SLC24A1: variants seen among roughly 807,000 people sequenced by gnomAD.
The protein encoded by SLC24A1 is sodium/potassium/calcium exchanger 1.
SLC24A1 carries 52 observed loss-of-function variants against 88.1 expected under a neutral mutation model. The observed-to-expected ratio is 0.59, with a 90% CI of 0.47 to 0.74. The LOEUF is 0.74. Among genes scored for constraint, SLC24A1 ranks in the 30% least tolerant of loss-of-function variants. The pLI, the probability that SLC24A1 is intolerant of heterozygous loss-of-function variation, is 0.00. For missense variants in SLC24A1, 1,173 were observed against 1,363.3 expected, an observed-to-expected ratio of 0.86 and a Z score of 2.20; for synonymous variants, 455 against 498.0, an observed-to-expected ratio of 0.91 and a Z score of 1.15.
At position 65,653,959 on chromosome 15, in the gene SLC24A1, G is replaced by A. The variant is rs537146025; in HGVS notation, c.3180G>A (p.Ala1060=). The A allele has an allele frequency of 7.7e-5, 124 of 1,613,810 alleles. No individual in the cohort carries two copies. The highest frequency in any genetic ancestry group is 9.7e-5 in the Non-Finnish European group (114 of 1,179,880). Residue 1060 remains alanine (A), a synonymous_variant, in exon 10 of 10, where the codon GCG becomes GCA. Transcript: ENST00000261892. ...TTCTGTTTGTGATCTCTTCAATTGC[G>A]TCATGTAAATGGAGAATGAACAAGA... ...LMLLFVISSI[A]SCKWRMNKIL...
intron 5 of SLC24A1, 84 bp downstream of exon 5, chr15:65,644,597 C>A: frequency 1.1e-6 from 1 of 918,232 alleles, no homozygotes. Flanking sequence ...AGGCAGCAGC[C>A]AGCCAGGCCA....
chr15:65,649,091 G>C (rs2075408629), intron 6 of SLC24A1, among the ~76,000 whole-genome samples: 1 of 151,940 alleles, frequency 6.6e-6, no homozygotes. Flanking sequence ...TCCAGGTGGG[G>C]TCAGAAAATC....
At position 65,625,626 on chromosome 15, in the gene SLC24A1, G is replaced by C; in HGVS notation, c.1546G>C (p.Val516Leu). 6.2e-7 allele frequency: 1 copy of C among 1,614,030 alleles called. No individual in the cohort carries two copies. Among genetic ancestry groups the C allele is most frequent in the Non-Finnish European group, 8.5e-7 (1 of 1,179,890 alleles). Residue 516 changes from valine to leucine, a missense_variant, in exon 2 of 10, where the codon GTC becomes CTC. Transcript: ENST00000261892. ...APELFTSLIGVFISHSNVGIG... is the reference protein window; with the variant it reads ...APELFTSLIGLFISHSNVGIG... Reference sequence around the variant, plus strand: ...TGAGCTCTTCACCTCCCTCATCGGTGTCTTCATTTCCCACAGCAACGTGGG... The same window carrying C: ...TGAGCTCTTCACCTCCCTCATCGGTCTCTTCATTTCCCACAGCAACGTGGG...
chr15:65,655,477 A>G lies in SLC24A1; in HGVS notation c.*1398A>G, dbSNP rs2075650460. ...CTTGAGTTTTTAAAACTGTGGTTAA[A>G]TGTTTTATGTGGAATTTGATGAGTT... On this transcript the variant is annotated 3_prime_UTR_variant, in exon 10 of 10. Coordinates refer to ENST00000261892, the MANE Select transcript of SLC24A1 (RefSeq NM_004727.3). 8 of 985,268 alleles carry G rather than the reference A, an allele frequency of 8.1e-6. No homozygotes were observed. Among genetic ancestry groups the G allele is most frequent in the Non-Finnish European group, 9.6e-6 (8 of 829,774 alleles). 61.0% of individuals were successfully genotyped at this position (985,268 alleles called of 1,614,324 possible). A position where few individuals can be genotyped will look rare whatever the true frequency, so the allele number is the denominator to read the frequency against.
At chr15:65,640,486 T>G (rs1210915953) in intron 4 of SLC24A1, among the ~76,000 whole-genome samples, 1 of 152,168 alleles carries the variant, frequency 6.6e-6, no homozygotes, top group East Asian at 1.9e-4. Context: ...CCTGCTCTCC[T>G]GGAGCCTCCC....
rs375749809 is a variant in SLC24A1 at position 65,650,424 on chromosome 15, G to C, written c.2275G>C (p.Glu759Gln). 2.6e-6 allele frequency: 4 copies of C among 1,551,602 alleles called. No individual in the cohort carries two copies. The East Asian group carries it at 9.8e-5, about 38-fold the overall frequency. The change falls in exon 7 of 10, where the codon GAA becomes CAA. Residue 759 changes from glutamate (E) to glutamine (Q), a missense_variant. Coordinates refer to ENST00000261892, the MANE Select transcript of SLC24A1 (RefSeq NM_004727.3). The surrounding 1 kb of genome is among the most constrained non-coding windows in gnomAD (Gnocchi z 4.1). ...CGAGAGCACAGGTGAAATGCCAGGC[G>C]AAGAGGGCGAAACTGCTGGTGAAGG... is the stretch of plus-strand genomic sequence containing the variant. Reference protein sequence around the residue: ...EAESTGEMPGEEGETAGEGET... With the variant: ...EAESTGEMPGQEGETAGEGET...
At position 65,655,848 on chromosome 15, in the gene SLC24A1, A is replaced by G; in HGVS notation, c.*1769A>G. ...TTTATTAAATTTCAATAAACTGTGA[A>G]TCCCAATGGTATTTTACTTTACAAC... On this transcript the variant is annotated 3_prime_UTR_variant, in exon 10 of 10. Coordinates refer to ENST00000261892, the MANE Select transcript of SLC24A1 (RefSeq NM_004727.3). 2.0e-6 allele frequency: 2 copies of G among 984,838 alleles called. No homozygotes were observed. The highest frequency in any genetic ancestry group is 2.4e-6 in the Non-Finnish European group (2 of 829,490). 61.0% of individuals were successfully genotyped at this position (984,838 alleles called of 1,614,324 possible).
chr15:65,630,886 G>A (rs1465654481), intron 2 of SLC24A1, among the ~76,000 whole-genome samples: 1 of 152,124 alleles, frequency 6.6e-6, no homozygotes, highest in Non-Finnish European at 1.5e-5. Context: ...CAGGAGAATT[G>A]CTGGAACCCA....
At position 65,638,122 on chromosome 15, in the gene SLC24A1, T is replaced by C. The variant is rs372058206; in HGVS notation, c.1891-6T>C. 367 of 1,607,122 alleles carry C rather than the reference T, an allele frequency of 2.3e-4. 1 individual carries two copies. The highest frequency in any genetic ancestry group is 6.6e-4 in the Middle Eastern group (4 of 6,080). On this transcript the variant is annotated splice_polypyrimidine_tract_variant and splice_region_variant and intron_variant, in intron 2 of 9. Coordinates refer to ENST00000261892, the MANE Select transcript of SLC24A1 (RefSeq NM_004727.3). Reference sequence around the variant, plus strand: ...AACATCTCGTGACTCCTCTCCCTGTTTGCAGCCGGGCGATGGGGCCATTGC... The same window carrying C: ...AACATCTCGTGACTCCTCTCCCTGTCTGCAGCCGGGCGATGGGGCCATTGC...
chr15:65,660,617 T>C, downstream of SLC24A1: 1 of 265,138 alleles, frequency 3.8e-6, no homozygotes, highest in Non-Finnish European at 7.1e-6. Context: ...AAAAATATAT[T>C]TTTAAAGCTA....
intron 3 of SLC24A1, among the ~76,000 whole-genome samples, chr15:65,639,327 T>G (rs556597999): frequency 6.6e-6 from 1 of 152,350 alleles, no homozygotes; most frequent in East Asian, 1.9e-4. Flanking sequence ...TAACGTGATA[T>G]TCCTAATACA....
intron 4 of SLC24A1, among the ~76,000 whole-genome samples, chr15:65,641,092 A>G (rs1369326143): frequency 6.6e-6 from 1 of 151,704 alleles, no homozygotes; most frequent in Non-Finnish European, 1.5e-5. Flanking sequence ...ATTTTTAAAA[A>G]GGCTGGACAC....
At chr15:65,627,607 C>A (rs2074563043) in intron 2 of SLC24A1, among the ~76,000 whole-genome samples, 1 of 152,140 alleles carries the variant, frequency 6.6e-6, no homozygotes, top group East Asian at 1.9e-4. Flanking sequence ...ACAGGAACCT[C>A]CCTCCTAATG....
chr15:65,646,994 T>C lies in SLC24A1; in HGVS notation c.2232+1291T>C, dbSNP rs150350438. The stretch of plus-strand genomic sequence containing the variant: ...CTGGGCCTAGGCCTGAGAAGGCATC[T>C]GTGACCCTGGTGGCTTCTCATTCCA... On this transcript the variant is annotated intron_variant, in intron 6 of 9. Coordinates refer to ENST00000261892, the MANE Select transcript of SLC24A1 (RefSeq NM_004727.3). Among the ~76,000 whole-genome samples, 519 of 152,328 alleles carry C rather than the reference T, an allele frequency of 3.4e-3. 4 individuals are homozygous for C. Among genetic ancestry groups the C allele is most frequent in the African/African-American group, 0.012 (502 of 41,570 alleles).
intron 6 of SLC24A1, among the ~76,000 whole-genome samples, chr15:65,648,298 A>G (rs1018890307): frequency 1.3e-5 from 2 of 152,054 alleles, no homozygotes; most frequent in African/African-American, 4.8e-5. Flanking sequence ...TTTAATGTGC[A>G]GCACAATTGA....
chr15:65,642,692 A>G (rs2075168589), intron 4 of SLC24A1, among the ~76,000 whole-genome samples: 1 of 152,188 alleles, frequency 6.6e-6, no homozygotes, highest in South Asian at 2.1e-4. Flanking sequence ...ACCCAGGCCC[A>G]CCAGGCCACT....
At chr15:65,620,747 A>T (rs1205595113), upstream of SLC24A1, among the ~76,000 whole-genome samples, 2 of 152,248 alleles carry the variant, frequency 1.3e-5, no homozygotes, top group Non-Finnish European at 2.9e-5. Flanking sequence ...TATTGAATAA[A>T]CAACATTGTA....
intron 6 of SLC24A1, among the ~76,000 whole-genome samples, 166 bp downstream of exon 6, chr15:65,645,869 A>T (rs1034038565): frequency 3.9e-5 from 6 of 152,236 alleles, no homozygotes; most frequent in African/African-American, 1.2e-4. Context: ...CAAGTATCTC[A>T]TGGGGCCAAT....
chr15:65,622,548 T>A (rs1596303270), intron 1 of SLC24A1, among the ~76,000 whole-genome samples: 1 of 152,296 alleles, frequency 6.6e-6, no homozygotes, highest in East Asian at 1.9e-4. Flanking sequence ...TCACTTCTAA[T>A]ATATCATATG....
Sources: gnomAD v4.1 joint callset for allele counts (sites outside exome capture counted in the v4.1 genomes callset) on GRCh38, gnomAD v4.1.1 for gene constraint, Gnocchi (gnomAD v3.1) non-coding constraint, MANE v1.5 for transcripts, NCBI Gene and HGNC (gene_info 2026-07-23, HGNC 2026-07-21) for gene names.